Variants in VPS37A observed in about 807,000 individuals in gnomAD.
The protein encoded by VPS37A is VPS37A subunit of ESCRT-I, also known as vacuolar protein sorting-associated protein 37A.
A neutral mutation model predicts 49.8 loss-of-function variants in VPS37A; 30 were observed. That is an observed-to-expected ratio of 0.60 (90% CI 0.45 to 0.82). VPS37A has a LOEUF of 0.82. VPS37A is among the 40% of genes least tolerant of loss of function. The pLI, the probability that VPS37A is intolerant of heterozygous loss-of-function variation, is 0.00. For synonymous variants in VPS37A, 195 were observed against 160.6 expected, an observed-to-expected ratio of 1.21 and a Z score of -1.62; for missense variants, 593 against 464.4, an observed-to-expected ratio of 1.28 and a Z score of -2.55.
rs762816295 is a variant in VPS37A, at chr8:17,280,493, T to A, written c.969+50T>A. Reference sequence around the variant, plus strand: ...TTGCCATAGATTTTTTTTTTAATCTTATGTGCATGAGTCCTGATCTCACTT... The same window carrying A: ...TTGCCATAGATTTTTTTTTTAATCTAATGTGCATGAGTCCTGATCTCACTT... On this transcript the variant is annotated intron_variant, in intron 9 of 11. Coordinates refer to ENST00000324849, the MANE Select transcript of VPS37A (RefSeq NM_152415.3). 4.0e-6 allele frequency: 6 copies of A among 1,502,752 alleles called. No homozygotes were observed. The South Asian group carries it at 5.0e-5, about 13-fold the overall frequency. The allele number at this position is 1,502,752 out of a possible 1,614,324, so 93.1% of individuals were successfully genotyped here.
the VPS37A span, among the ~76,000 whole-genome samples, chr8:17,315,319 G>C: frequency 6.6e-6 from 1 of 152,148 alleles, no homozygotes; most frequent in African/African-American, 2.4e-5. Context: ...AAAAAAATCA[G>C]CGGCTGCCAG....
At chr8:17,277,510 T>A (rs1017889430) in intron 6 of VPS37A, among the ~76,000 whole-genome samples, 6 of 152,068 alleles carry the variant, frequency 3.9e-5, no homozygotes, top group African/African-American at 1.4e-4. Flanking sequence ...GCTTCATGCC[T>A]CTTCTATCCA....
chr8:17,251,983 C>T, intron 1 of VPS37A, among the ~76,000 whole-genome samples: 1 of 152,140 alleles, frequency 6.6e-6, no homozygotes, highest in East Asian at 1.9e-4. Flanking sequence ...ATTCCATGCT[C>T]TTGTTTCTAT....
At position 17,286,409 on chromosome 8, in the gene VPS37A, A is replaced by G. The variant is rs117336150; in HGVS notation, c.1176A>G (p.Gln392=). 9.1e-4 allele frequency: 1,472 copies of G among 1,613,868 alleles called. 5 individuals are homozygous for G. Among genetic ancestry groups the G allele is most frequent in the Non-Finnish European group, 1.1e-3 (1,310 of 1,179,850 alleles). Residue 392 remains glutamine (Q), a synonymous_variant, in exon 11 of 12, where the codon CAA becomes CAG. Transcript: ENST00000324849. ...AGCAGGCGATAGCAATGCACAGCCA[A>G]TTTCATGCTCCACTATAGGTAAATT... The part of the protein sequence containing the change: ...KLQQAIAMHS[Q]FHAPL
Position 17,274,790 on chromosome 8 carries a change from T to A in VPS37A, c.474T>A (p.Leu158=). The A allele has an allele frequency of 6.2e-7, 1 of 1,614,186 alleles. No individual in the cohort carries two copies. Among genetic ancestry groups the A allele is most frequent in the Non-Finnish European group, 8.5e-7 (1 of 1,180,018 alleles). The change falls in exon 5 of 12, where the codon CTT becomes CTA. Residue 158 remains leucine (L), a synonymous_variant. Coordinates refer to ENST00000324849, the MANE Select transcript of VPS37A (RefSeq NM_152415.3). ...SPYASQGFPF[L]PPYPPQEANR... ...ATGCTTCTCAGGGTTTTCCATTTCT[T>A]CCTCCATATCCTCCACAAGAAGCAA...
chr8:17,298,439 T>TTA (rs1326806846), downstream of VPS37A: 1 of 152,292 alleles, frequency 6.6e-6, no homozygotes, highest in Non-Finnish European at 1.5e-5. Flanking sequence ...ATGTTTTCAT[T>TTA]TATATATATT....
the VPS37A span, among the ~76,000 whole-genome samples, chr8:17,313,929 T>A: frequency 2.0e-5 from 3 of 152,148 alleles, no homozygotes; most frequent in Non-Finnish European, 4.4e-5. Context: ...CCCCACCCAA[T>A]GGGAGTAAGG....
chr8:17,247,875 G>C (rs1385418300), intron 1 of VPS37A: 4 of 656,566 alleles, frequency 6.1e-6, no homozygotes, highest in Non-Finnish European at 1.1e-5. Flanking sequence ...CACGTAGTCA[G>C]TCTTCTTGAG....
chr8:17,281,324 C>T (rs1475355635), intron 9 of VPS37A, among the ~76,000 whole-genome samples: 1 of 151,930 alleles, frequency 6.6e-6, no homozygotes, highest in Non-Finnish European at 1.5e-5. Flanking sequence ...TGAGGTCATA[C>T]AAGTAGAAAC....
intron 2 of VPS37A, among the ~76,000 whole-genome samples, chr8:17,267,854 C>G (rs1813613733): frequency 6.6e-6 from 1 of 152,072 alleles, no homozygotes; most frequent in African/African-American, 2.4e-5. Context: ...GTAGAAAAAC[C>G]ACAGAAAATT....
chr8:17,302,643 A>C (rs1001972268), downstream of VPS37A, among the ~76,000 whole-genome samples: 28 of 138,606 alleles, frequency 2.0e-4, no homozygotes, highest in Non-Finnish European at 3.4e-4. Context: ...GGAATCTTAA[A>C]CTTGCAGCTT....
chr8:17,332,267 T>C, the VPS37A span, among the ~76,000 whole-genome samples: 1 of 152,178 alleles, frequency 6.6e-6, no homozygotes, highest in Non-Finnish European at 1.5e-5. Flanking sequence ...ATAGTACTTT[T>C]TAAAAGCTAA....
At chr8:17,293,100 G>C (rs1816296656) in intron 11 of VPS37A, among the ~76,000 whole-genome samples, 2 of 151,906 alleles carry the variant, frequency 1.3e-5, no homozygotes, top group South Asian at 2.1e-4. Flanking sequence ...TCAAACATAG[G>C]TTTTGTCTTT....
chr8:17,260,141 C>T (rs527508441), intron 1 of VPS37A, among the ~76,000 whole-genome samples: 14 of 152,174 alleles, frequency 9.2e-5, no homozygotes, highest in Non-Finnish European at 1.3e-4. Context: ...CTCTTCCTTT[C>T]TTACTATCTT....
At chr8:17,290,502 C>A (rs1368349269) in intron 11 of VPS37A, among the ~76,000 whole-genome samples, 1 of 152,208 alleles carries the variant, frequency 6.6e-6, no homozygotes, top group Non-Finnish European at 1.5e-5. Context: ...GTATGTTGAA[C>A]CAGCCTTGCA....
At chr8:17,288,318 C>T (rs1269357506) in intron 11 of VPS37A, among the ~76,000 whole-genome samples, 1 of 152,112 alleles carries the variant, frequency 6.6e-6, no homozygotes, top group Non-Finnish European at 1.5e-5. Context: ...GTTTGCTGCA[C>T]CCATCAACCT....
intron 1 of VPS37A, among the ~76,000 whole-genome samples, chr8:17,259,262 G>A (rs1812761651): frequency 6.6e-6 from 1 of 151,872 alleles, no homozygotes; most frequent in African/African-American, 2.4e-5. Context: ...CATAGATTTT[G>A]GTGTGTTCTA....
chr8:17,331,663 A>G, the VPS37A span, among the ~76,000 whole-genome samples: 2 of 152,248 alleles, frequency 1.3e-5, no homozygotes, highest in African/African-American at 4.8e-5. Flanking sequence ...ATATCAGCAG[A>G]AACAGCTGTC....
At chr8:17,324,255 C>A in the VPS37A span, among the ~76,000 whole-genome samples, 1 of 152,234 alleles carries the variant, frequency 6.6e-6, no homozygotes, top group African/African-American at 2.4e-5. Flanking sequence ...CAGTAACTGT[C>A]TGATGAATAG....
Sources: gnomAD v4.1 joint callset for allele counts (sites outside exome capture counted in the v4.1 genomes callset) on GRCh38, gnomAD v4.1.1 for gene constraint, MANE v1.5 for transcripts, NCBI Gene and HGNC (gene_info 2026-07-23, HGNC 2026-07-21) for gene names.